The following ENTPD4 variants were observed in gnomAD, a reference collection of about 807,000 sequenced individuals.
The protein encoded by ENTPD4 is ectonucleoside triphosphate diphosphohydrolase 4, also known as Golgi UDPase.
In ENTPD4, 60 loss-of-function variants were observed where a neutral mutation model predicts 79.1. The observed-to-expected ratio is 0.76, with a 90% confidence interval of 0.62 to 0.94. The LOEUF is 0.94. Ranked by LOEUF, ENTPD4 falls within the 40% of genes least tolerant of loss-of-function variation. The pLI is 0.00. For synonymous variants in ENTPD4, 276 were observed against 292.0 expected (o/e 0.95, Z 0.56); for missense variants, 772 against 775.1 (o/e 1.00, Z 0.05).
intron 6 of ENTPD4, among the ~76,000 whole-genome samples, chr8:23,442,883 G>C (rs1301494575): frequency 6.6e-6 from 1 of 151,922 alleles, no homozygotes; most frequent in Non-Finnish European, 1.5e-5. Context: ...ACAGAAAGAA[G>C]TCCAAATTCC....
Position 23,429,987 on chromosome 8 carries a change from C to G in ENTPD4, c.*2939G>C. On this transcript the variant is annotated 3_prime_UTR_variant, in exon 13 of 13. Transcript: ENST00000358689. ...AGCACTTATTGCTGGCATGTTTCTA[C>G]CAAGATTGAACACAATGCTTTTCTT... 1 of 985,456 alleles carries G rather than the reference C, an allele frequency of 1.0e-6. No homozygotes were observed. Among genetic ancestry groups the G allele is most frequent in the Non-Finnish European group, 1.2e-6 (1 of 829,946 alleles). 61.0% of individuals were successfully genotyped at this position (985,456 alleles called of 1,614,324 possible). A position where few individuals can be genotyped will look rare whatever the true frequency, so the allele number is the denominator to read the frequency against.
At chr8:23,455,434 G>A (rs948000685) in intron 1 of ENTPD4, among the ~76,000 whole-genome samples, 6 of 152,232 alleles carry the variant, frequency 3.9e-5, no homozygotes, top group African/African-American at 1.4e-4. Flanking sequence ...CTTTCTGAGA[G>A]TGAGAGGCTG....
intron 1 of ENTPD4, among the ~76,000 whole-genome samples, chr8:23,454,442 T>C (rs534909317): frequency 1.3e-5 from 2 of 152,300 alleles, no homozygotes; most frequent in South Asian, 2.1e-4. Flanking sequence ...CCAAATTTCA[T>C]GGAGTTTGCA....
At chr8:23,445,273 C>G (rs1045938962) in intron 4 of ENTPD4, among the ~76,000 whole-genome samples, 7 of 152,160 alleles carry the variant, frequency 4.6e-5, no homozygotes, top group African/African-American at 1.7e-4. Context: ...TGGACACGCC[C>G]TCTGCCAGCC....
chr8:23,439,963 C>A (rs767741366), intron 8 of ENTPD4, 48 bp from the exon 9 acceptor site: 4 of 1,534,950 alleles, frequency 2.6e-6, no homozygotes, highest in Non-Finnish European at 3.6e-6. Flanking sequence ...CTACTTTAGC[C>A]TCCTACTAAA....
At chr8:23,439,946 G>A in intron 8 of ENTPD4, 31 bp from the exon 9 acceptor site, 4 of 1,595,754 alleles carry the variant, frequency 2.5e-6, no homozygotes, top group African/African-American at 2.7e-5. Context: ...AACCTTAATA[G>A]CTTAAGCTAC....
In ENTPD4 at chr8:23,435,460, C is replaced by G. The variant is rs143860868; in HGVS notation, c.1392G>C (p.Lys464Asn). Residue 464 changes from lysine (K) to asparagine (N), a missense_variant, in exon 11 of 13, where the codon AAG becomes AAC. Lys to Asn is a moderately conservative substitution (Grantham distance 94, BLOSUM62 0). Transcript: ENST00000358689. ...TKAAKDYCAT[K>N]WSILRERFDR... ...CAAAGCGTTCCCGCAAAATGGACCA[C>G]TTTGTTGCACAATAATCCTGAAAAC... 835 of 1,613,926 alleles carry G rather than the reference C, an allele frequency of 5.2e-4. 3 individuals carry two copies. In the Middle Eastern group the frequency reaches 5.4e-3, roughly 11 times the overall value.
At position 23,437,804 on chromosome 8, in the gene ENTPD4, C is replaced by G. The variant is rs28637894; in HGVS notation, c.1050-546G>C. 3.8e-4 allele frequency among the ~76,000 whole-genome samples: 58 copies of G among 152,308 alleles called. 1 individual carries two copies. The highest frequency in any genetic ancestry group is 1.3e-3 in the African/African-American group (54 of 41,590). ...AAATCTCTTTTAAGTCCTCAGTATT[C>G]TTTAAACAAAGACAAACTGGTATCT... On this transcript the variant is annotated intron_variant, in intron 9 of 12. Transcript: ENST00000358689.
chr8:23,431,879 A>T lies in ENTPD4; in HGVS notation c.*1047T>A. 2 of 985,412 alleles carry T rather than the reference A, an allele frequency of 2.0e-6. No homozygotes were observed. Among genetic ancestry groups the T allele is most frequent in the Non-Finnish European group, 1.2e-6 (1 of 829,898 alleles). The allele number at this position is 985,412 out of a possible 1,614,324, so 61.0% of individuals were successfully genotyped here. On this transcript the variant is annotated 3_prime_UTR_variant, in exon 13 of 13. Coordinates refer to ENST00000358689, the MANE Select transcript of ENTPD4 (RefSeq NM_004901.5). ...AATGCCACTGAAATATGGAATAAGG[A>T]GCGTAATTACCTGCGGTCAGGAAAA...
In ENTPD4 at chr8:23,432,737, A is replaced by T; in HGVS notation, c.*189T>A. The T allele has an allele frequency of 7.8e-7, 1 of 1,285,014 alleles. No individual in the cohort carries two copies. The highest frequency in any genetic ancestry group is 1.0e-6 in the Non-Finnish European group (1 of 972,956). 79.6% of individuals were successfully genotyped at this position (1,285,014 alleles called of 1,614,324 possible). On this transcript the variant is annotated 3_prime_UTR_variant, in exon 13 of 13. Transcript: ENST00000358689. The stretch of plus-strand genomic sequence containing the variant: ...ATGGTCTCGATCTCCTGACCTCATG[A>T]TCCGCCCGCCTCGGCCTCCCAAAGT...
Position 23,429,355 on chromosome 8 carries a change from T to C in ENTPD4, c.*3571A>G, listed in dbSNP as rs1800416540. 1 of 985,190 alleles carries C rather than the reference T, an allele frequency of 1.0e-6. No homozygotes were observed. The highest frequency in any genetic ancestry group is 1.2e-6 in the Non-Finnish European group (1 of 829,694). 61.0% of individuals were successfully genotyped at this position (985,190 alleles called of 1,614,324 possible). A position where few individuals can be genotyped will look rare whatever the true frequency, so the allele number is the denominator to read the frequency against. ...CTTTTTATAATTCCTAACTGTAAAA[T>C]ATAATTTTAGTACAGAACAAACAAA... On this transcript the variant is annotated 3_prime_UTR_variant, in exon 13 of 13. Coordinates refer to ENST00000358689, the MANE Select transcript of ENTPD4 (RefSeq NM_004901.5).
At chr8:23,436,056 G>A (rs1327740712) in intron 10 of ENTPD4, among the ~76,000 whole-genome samples, 1 of 152,192 alleles carries the variant, frequency 6.6e-6, no homozygotes, top group Non-Finnish European at 1.5e-5. Flanking sequence ...TGGGAGATGG[G>A]CCTGGGTGTG....
At chr8:23,434,630 A>T in intron 11 of ENTPD4, 152 bp from the exon 12 acceptor site, 1 of 1,450,820 alleles carries the variant, frequency 6.9e-7, no homozygotes, top group Non-Finnish European at 9.1e-7. Flanking sequence ...GCGCGTTTCA[A>T]GGTTGATGTA....
chr8:23,450,197 A>G (rs545004467), intron 1 of ENTPD4, among the ~76,000 whole-genome samples, 200 bp from the exon 2 acceptor site: 1 of 152,348 alleles, frequency 6.6e-6, no homozygotes, highest in Non-Finnish European at 1.5e-5. Context: ...AAAAGAGATG[A>G]TAATCGTCTG....
intron 9 of ENTPD4, among the ~76,000 whole-genome samples, chr8:23,439,085 C>T (rs1372060627): frequency 1.3e-5 from 2 of 152,144 alleles, no homozygotes. Flanking sequence ...TATGTTCTTA[C>T]AAATTTCAAA....
At position 23,431,048 on chromosome 8, in the gene ENTPD4, T is replaced by C. The variant is rs1800445953; in HGVS notation, c.*1878A>G. 2 of 889,494 alleles carry C rather than the reference T, an allele frequency of 2.2e-6. No homozygotes were observed. Among genetic ancestry groups the C allele is most frequent in the Non-Finnish European group, 2.7e-6 (2 of 742,490 alleles). 55.1% of individuals were successfully genotyped at this position (889,494 alleles called of 1,614,324 possible). A position where few individuals can be genotyped will look rare whatever the true frequency, so the allele number is the denominator to read the frequency against. On this transcript the variant is annotated 3_prime_UTR_variant, in exon 13 of 13. Transcript: ENST00000358689. The stretch of plus-strand genomic sequence containing the variant: ...TGAGGGAGCCATGCCCCCACAGCTC[T>C]TGCCTCAAGGATCAGATGCATTTTA...
intron 9 of ENTPD4, among the ~76,000 whole-genome samples, chr8:23,438,785 T>A (rs1239314452): frequency 6.6e-6 from 1 of 152,238 alleles, no homozygotes; most frequent in Non-Finnish European, 1.5e-5. Context: ...ACTATTCAGT[T>A]AACTTTTGGA....
intron 8 of ENTPD4, chr8:23,440,159 T>A: frequency 2.4e-6 from 1 of 418,776 alleles, no homozygotes; most frequent in Admixed American, 4.1e-5. Flanking sequence ...AAATAGTTCA[T>A]ACCCTCTGAC....
chr8:23,455,575 CATTTTA>C (rs1307642498), intron 1 of ENTPD4, among the ~76,000 whole-genome samples: 5 of 152,330 alleles, frequency 3.3e-5, no homozygotes, highest in Non-Finnish European at 7.3e-5. Flanking sequence ...TTATCTTACA[CATTTTA>C]ATTTTATTTT....
Sources: allele counts gnomAD v4.1 joint callset (sites outside exome capture counted in the v4.1 genomes callset), GRCh38; gene constraint gnomAD v4.1.1; transcripts MANE v1.5; gene names NCBI Gene and HGNC (gene_info 2026-07-23, HGNC 2026-07-21).